USP18: variants seen among roughly 807,000 people sequenced by gnomAD.
USP18 encodes ubl carboxyl-terminal hydrolase 18.
A neutral mutation model predicts 48.7 loss-of-function variants in USP18; 11 were observed. That is an observed-to-expected ratio of 0.23 (90% CI 0.14 to 0.37). USP18 has a LOEUF of 0.37. Ranked by LOEUF, USP18 falls within the 10% of genes least tolerant of loss-of-function variation. USP18 has a pLI of 1.00. For missense variants in USP18, 285 were observed against 436.4 expected, an observed-to-expected ratio of 0.65 and a Z score of 3.09; for synonymous variants, 114 against 163.2, an observed-to-expected ratio of 0.70 and a Z score of 2.30.
intron 1 of USP18, among the ~76,000 whole-genome samples, chr22:18,151,118 G>A (rs1161220515): frequency 6.6e-6 from 1 of 152,206 alleles, no homozygotes; most frequent in African/African-American, 2.4e-5. Context: ...GAAGTGGAAT[G>A]GCTGGGTCAG....
chr22:18,155,657 G>A (rs116495722), intron 1 of USP18, among the ~76,000 whole-genome samples: 6,184 of 152,304 alleles, frequency 0.041, 166 homozygotes, highest in African/African-American at 0.074. Flanking sequence ...GGCAGTAAGG[G>A]GCTTAGCACT....
At chr22:18,152,681 G>C (rs183483715) in intron 1 of USP18, among the ~76,000 whole-genome samples, 2 of 151,922 alleles carry the variant, frequency 1.3e-5, no homozygotes, top group African/African-American at 4.8e-5. Context: ...CTTCAGCTGC[G>C]GTCTCTCTGC....
intron 9 of USP18, 125 bp downstream of exon 9, chr22:18,173,406 C>A (rs540005823): frequency 3.6e-6 from 5 of 1,374,518 alleles, no homozygotes; most frequent in South Asian, 3.0e-5. Flanking sequence ...GGGTGTGGGG[C>A]CTTTGATGAG....
chr22:18,158,073 A>C (rs1257567280), intron 2 of USP18, among the ~76,000 whole-genome samples: 1 of 152,098 alleles, frequency 6.6e-6, no homozygotes, highest in Non-Finnish European at 1.5e-5. Flanking sequence ...GTGGATCATG[A>C]GGTCGGGAGT....
At chr22:18,172,072 T>A (rs1569212888) in intron 8 of USP18, among the ~76,000 whole-genome samples, 1 of 152,184 alleles carries the variant, frequency 6.6e-6, no homozygotes. Context: ...CGAGCCCAGC[T>A]GGACAACAAA....
At chr22:18,158,776 G>A (rs1170770532) in intron 2 of USP18, among the ~76,000 whole-genome samples, 2 of 152,162 alleles carry the variant, frequency 1.3e-5, no homozygotes, top group African/African-American at 2.4e-5. Context: ...CTGCCTCCCT[G>A]TAGTGGGAAC....
chr22:18,159,715 G>T (rs1341920902), intron 2 of USP18, among the ~76,000 whole-genome samples: 3 of 128,050 alleles, frequency 2.3e-5, no homozygotes, highest in Admixed American at 9.5e-5. Flanking sequence ...TCGCTCTGTT[G>T]CCCAGGCTGG....
Position 18,169,832 on chromosome 22 carries a change from T to A in USP18, c.628-12T>A. ...CAACGCTGCTTTTTCCCTGTTCTCT[T>A]GGGTGGGACAGGAGGACGCCCTGCA... On this transcript the variant is annotated splice_polypyrimidine_tract_variant and intron_variant, in intron 6 of 10. Coordinates refer to ENST00000215794, the MANE Select transcript of USP18 (RefSeq NM_017414.4). 6.3e-7 allele frequency: 1 copy of A among 1,577,412 alleles called. No homozygotes were observed. The highest frequency in any genetic ancestry group is 8.6e-7 in the Non-Finnish European group (1 of 1,159,790).
At chr22:18,172,287 C>G (rs1404647955) in intron 8 of USP18, among the ~76,000 whole-genome samples, 7 of 152,192 alleles carry the variant, frequency 4.6e-5, no homozygotes, top group Admixed American at 4.6e-4. Flanking sequence ...AAGCAAATCC[C>G]AGACATCATA....
chr22:18,155,123 C>T (rs898805010), intron 1 of USP18, among the ~76,000 whole-genome samples: 3 of 152,380 alleles, frequency 2.0e-5, no homozygotes, highest in East Asian at 1.9e-4. Flanking sequence ...AGACCCACAG[C>T]TGTGATGGCG....
chr22:18,173,764 G>T, intron 9 of USP18, 29 bp from the exon 10 acceptor site: 1 of 1,606,118 alleles, frequency 6.2e-7, no homozygotes, highest in Non-Finnish European at 8.5e-7. Flanking sequence ...TCAGCTGGCT[G>T]CTTGACCCCA....
At chr22:18,169,754 T>A (rs1929575751) in intron 6 of USP18, 90 bp from the exon 7 acceptor site, 1 of 1,410,748 alleles carries the variant, frequency 7.1e-7, no homozygotes, top group Non-Finnish European at 9.7e-7. Context: ...TCTCAGCTAT[T>A]GTCTCACAGC....
rs182702764 is a variant in USP18 at position 18,159,972 on chromosome 22, C to T, written c.158-200C>T. 3.3e-3 allele frequency among the ~76,000 whole-genome samples: 507 copies of T among 152,172 alleles called. 2 individuals carry two copies. Among genetic ancestry groups the T allele is most frequent in the African/African-American group, 0.011 (475 of 41,526 alleles). ...GATTACAGGCGTGAGCCACCGCACC[C>T]GGCTGATTTTTGGATTTTTTTTGTA... On this transcript the variant is annotated intron_variant, in intron 2 of 10. Coordinates refer to ENST00000215794, the MANE Select transcript of USP18 (RefSeq NM_017414.4).
intron 4 of USP18, among the ~76,000 whole-genome samples, chr22:18,166,010 A>C (rs1283910917): frequency 6.6e-6 from 1 of 152,240 alleles, no homozygotes; most frequent in African/African-American, 2.4e-5. Context: ...CTTCAGAATA[A>C]ATTCACATTT....
At chr22:18,157,187 C>A (rs112643996) in intron 1 of USP18, among the ~76,000 whole-genome samples, 2,292 of 152,344 alleles carry the variant, frequency 0.015, 67 homozygotes, top group African/African-American at 0.053. Flanking sequence ...GGGTGTTGGG[C>A]GGGTTGAGAG....
chr22:18,152,750 GC>G, intron 1 of USP18, among the ~76,000 whole-genome samples: 1 of 152,016 alleles, frequency 6.6e-6, no homozygotes, highest in South Asian at 2.1e-4. Flanking sequence ...TTTCCTTGCT[GC>G]CCCGCCTCCC....
At chr22:18,167,142 T>G in intron 4 of USP18, 113 bp from the exon 5 acceptor site, 1 of 1,264,620 alleles carries the variant, frequency 7.9e-7, no homozygotes, top group Non-Finnish European at 1.1e-6. Flanking sequence ...TGCAGTGGGG[T>G]GGAGGGCTAG....
chr22:18,168,213 T>C (rs1373216626), intron 6 of USP18, among the ~76,000 whole-genome samples, 177 bp downstream of exon 6: 1 of 152,144 alleles, frequency 6.6e-6, no homozygotes, highest in Non-Finnish European at 1.5e-5. Flanking sequence ...CTCAGAGTCC[T>C]GAGGCGAGGC....
Position 18,167,884 on chromosome 22 carries a change from T to C in USP18, c.481-6T>C, listed in dbSNP as rs1299536433. ...CCATCTCACCTCTCCGCTCTCCCTC[T>C]TGCAGGTGGAGAGACTGCAGGCCCT... On this transcript the variant is annotated splice_polypyrimidine_tract_variant and splice_region_variant and intron_variant, in intron 5 of 10. Coordinates refer to ENST00000215794, the MANE Select transcript of USP18 (RefSeq NM_017414.4). 2.5e-6 allele frequency: 4 copies of C among 1,612,442 alleles called. No homozygotes were observed. Among genetic ancestry groups the C allele is most frequent in the Non-Finnish European group, 1.7e-6 (2 of 1,178,742 alleles).
Sources: gnomAD v4.1 joint callset for allele counts (sites outside exome capture counted in the v4.1 genomes callset) on GRCh38, gnomAD v4.1.1 for gene constraint, MANE v1.5 for transcripts, NCBI Gene and HGNC (gene_info 2026-07-23, HGNC 2026-07-21) for gene names.